The following THSD4 variants were observed in gnomAD, a reference collection of about 807,000 sequenced individuals.
THSD4 encodes thrombospondin type-1 domain-containing protein 4.
A neutral mutation model predicts 119.0 loss-of-function variants in THSD4; 69 were observed. That is an observed-to-expected ratio of 0.58 (90% CI 0.48 to 0.71). The LOEUF (loss-of-function observed/expected upper bound fraction) is 0.71. Ranked by LOEUF, THSD4 falls within the 30% of genes least tolerant of loss-of-function variation. The pLI, the probability that THSD4 is intolerant of heterozygous loss-of-function variation, is 0.00. For synonymous variants in THSD4, 524 were observed against 540.4 expected, an observed-to-expected ratio of 0.97 and a Z score of 0.42; for missense variants, 1,393 against 1,391.1, an observed-to-expected ratio of 1.00 and a Z score of -0.02.
chr15:71,381,331 T>C (rs1287397524), intron 6 of THSD4, among the ~76,000 whole-genome samples: 1 of 152,246 alleles, frequency 6.6e-6, no homozygotes, highest in African/African-American at 2.4e-5. Flanking sequence ...GGATCAATCT[T>C]ATGAAGTTCA....
rs1435404213 is a variant in THSD4 at position 71,540,452 on chromosome 15, TA to T, written c.1153-120075del. ...CACCTGGCCGCCTTTTTTTTTTTTT[TA>T]AACGAGTCTCTGTCACCCAGGCTGG... On this transcript the variant is annotated intron_variant, in intron 7 of 17. Coordinates refer to ENST00000261862, the MANE Select transcript of THSD4 (RefSeq NM_024817.3). Among the ~76,000 whole-genome samples, 7 of 61,572 alleles carry T rather than the reference TA, an allele frequency of 1.1e-4. No homozygotes were observed. The East Asian group carries it at 2.0e-3, about 18-fold the overall frequency. The allele number at this position is 61,572 out of a possible 152,430, so 40.4% of individuals were successfully genotyped here.
Position 71,745,536 on chromosome 15 carries a change from G to A in THSD4, c.2036+301G>A, listed in dbSNP as rs183255144. On this transcript the variant is annotated intron_variant, in intron 12 of 17. Transcript: ENST00000261862. ...AAGCAAAAAACGAGAAGCCAGTGTAGTTGGTGTCGTAGGTGAGCTGTTCAC... is the reference window on the plus strand; with the variant it reads ...AAGCAAAAAACGAGAAGCCAGTGTAATTGGTGTCGTAGGTGAGCTGTTCAC... 8.4e-4 allele frequency among the ~76,000 whole-genome samples: 128 copies of A among 152,332 alleles called. No individual in the cohort carries two copies. The highest frequency in any genetic ancestry group is 1.4e-3 in the Non-Finnish European group (98 of 68,026).
chr15:71,631,224 G>A (rs1446674791), intron 7 of THSD4, among the ~76,000 whole-genome samples: 1 of 152,212 alleles, frequency 6.6e-6, no homozygotes, highest in African/African-American at 2.4e-5. Context: ...AAGTCATGCA[G>A]AGTCCTGTGG....
intron 7 of THSD4, among the ~76,000 whole-genome samples, chr15:71,622,809 G>A (rs1012689644): frequency 6.6e-6 from 1 of 152,156 alleles, no homozygotes; most frequent in Non-Finnish European, 1.5e-5. Flanking sequence ...ATACAGTATT[G>A]GAAATGCAGG....
intron 4 of THSD4, among the ~76,000 whole-genome samples, chr15:71,224,673 G>A (rs976654502): frequency 1.3e-5 from 2 of 152,142 alleles, no homozygotes; most frequent in African/African-American, 4.8e-5. Flanking sequence ...CTCCTTCTGG[G>A]GGCTTTGAGG....
upstream of THSD4, chr15:71,111,519 G>A (rs2040304980): frequency 1.2e-6 from 1 of 838,902 alleles, no homozygotes; most frequent in South Asian, 1.8e-5. Context: ...ATAACAGCAA[G>A]TTGACCAACT....
intron 16 of THSD4, among the ~76,000 whole-genome samples, chr15:71,768,527 C>T (rs943843795): frequency 6.7e-6 from 1 of 149,230 alleles, no homozygotes; most frequent in African/African-American, 2.5e-5. Flanking sequence ...ACTTATTGAC[C>T]AATTGCAACT....
chr15:71,737,158 T>C (rs1393210662), intron 10 of THSD4, among the ~76,000 whole-genome samples: 1 of 152,242 alleles, frequency 6.6e-6, no homozygotes, highest in African/African-American at 2.4e-5. Flanking sequence ...ACCATACCTG[T>C]ATATTCAGAT....
chr15:71,706,742 GAA>G (rs945228617), intron 8 of THSD4, among the ~76,000 whole-genome samples: 4 of 152,312 alleles, frequency 2.6e-5, no homozygotes, highest in African/African-American at 9.6e-5. Context: ...TGACATCTGA[GAA>G]AAGAGACAGC....
chr15:71,655,894 G>A (rs191624729), intron 7 of THSD4, among the ~76,000 whole-genome samples: 22 of 152,314 alleles, frequency 1.4e-4, no homozygotes, highest in African/African-American at 5.1e-4. Flanking sequence ...AAGAAGATCT[G>A]GATGGTGGTG....
chr15:71,249,904 T>G (rs1298581251), intron 5 of THSD4, among the ~76,000 whole-genome samples: 1 of 127,688 alleles, frequency 7.8e-6, no homozygotes, highest in East Asian at 2.4e-4. Context: ...CTTCCACTCC[T>G]GCTGATCTAC....
chr15:71,589,759 C>T lies in THSD4; in HGVS notation c.1153-70771C>T, dbSNP rs993366995. Among the ~76,000 whole-genome samples, 11 of 139,376 alleles carry T rather than the reference C, an allele frequency of 7.9e-5. 2 individuals carry two copies. The South Asian group carries it at 2.3e-3, about 29-fold the overall frequency. 91.4% of individuals were successfully genotyped at this position (139,376 alleles called of 152,430 possible). On this transcript the variant is annotated intron_variant, in intron 7 of 17. Coordinates refer to ENST00000261862, the MANE Select transcript of THSD4 (RefSeq NM_024817.3). ...CACAGAGACGAGTACAATAATGTTG[C>T]TAGCAGCACTGTTTATTATCACCAA...
chr15:71,479,179 CCT>C (rs1566999677), intron 7 of THSD4, among the ~76,000 whole-genome samples: 1 of 94,888 alleles, frequency 1.1e-5, no homozygotes. Flanking sequence ...CTTTCTTCTG[CCT>C]TTTTTTTTTT....
intron 17 of THSD4, among the ~76,000 whole-genome samples, chr15:71,774,243 C>T (rs1281043048): frequency 6.8e-6 from 1 of 146,852 alleles, no homozygotes; most frequent in African/African-American, 2.6e-5. Context: ...CCCAGGAAGT[C>T]GAGGAAGCAG....
At chr15:71,750,323 G>A (rs2053425049) in intron 14 of THSD4, among the ~76,000 whole-genome samples, 1 of 152,162 alleles carries the variant, frequency 6.6e-6, no homozygotes. Context: ...CATTCTGACC[G>A]GTCAATGGCC....
At chr15:71,235,607 A>C (rs1301024033) in intron 4 of THSD4, among the ~76,000 whole-genome samples, 1 of 56,770 alleles carries the variant, frequency 1.8e-5, no homozygotes, top group African/African-American at 5.4e-5. Context: ...TTTTTTTTTG[A>C]GACTGGGTCT....
intron 8 of THSD4, among the ~76,000 whole-genome samples, chr15:71,707,155 C>T (rs1022285776): frequency 1.3e-5 from 2 of 151,744 alleles, no homozygotes; most frequent in African/African-American, 2.4e-5. Flanking sequence ...TCACGCAGCA[C>T]GAAAACCACA....
chr15:71,439,816 G>A (rs2047065888), intron 7 of THSD4, among the ~76,000 whole-genome samples: 1 of 152,090 alleles, frequency 6.6e-6, no homozygotes, highest in South Asian at 2.1e-4. Flanking sequence ...TGAACAATGA[G>A]AACACATGGA....
rs142967898 is a variant in THSD4 at position 71,702,831 on chromosome 15, C to G, written c.1358-25718C>G. 2.7e-3 allele frequency among the ~76,000 whole-genome samples: 415 copies of G among 152,338 alleles called. 3 individuals are homozygous for G. The highest frequency in any genetic ancestry group is 9.6e-3 in the African/African-American group (401 of 41,572). ...ACTCCCTTCCCACCATTCTCCCTTT[C>G]AGCAACCTGTTTCCCTCAAAGGAGG... On this transcript the variant is annotated intron_variant, in intron 8 of 17. Transcript: ENST00000261862.
Sources: allele counts gnomAD v4.1 joint callset (sites outside exome capture counted in the v4.1 genomes callset), GRCh38; gene constraint gnomAD v4.1.1; transcripts MANE v1.5; gene names NCBI Gene and HGNC (gene_info 2026-07-23, HGNC 2026-07-21).